GLIS3: variants seen among roughly 807,000 people sequenced by gnomAD.
GLIS3 encodes the protein zinc finger protein GLIS3.
GLIS3 carries 53 observed loss-of-function variants against 78.6 expected under a neutral mutation model. The ratio of observed to expected loss-of-function variants is 0.67; its 90% CI spans 0.54 to 0.85. GLIS3 has a LOEUF of 0.85. GLIS3 is among the 40% of genes least tolerant of loss of function. GLIS3 has a pLI of 0.00. For missense variants in GLIS3, 1,703 were observed against 1,231.1 expected (o/e 1.38, Z -5.74); for synonymous variants, 684 against 509.9 (o/e 1.34, Z -4.60).
chr9:4,426,368 T>C, the GLIS3 span, among the ~76,000 whole-genome samples: 3,421 of 152,296 alleles, frequency 0.022, 124 homozygotes, highest in African/African-American at 0.078. Flanking sequence ...CCCAACCAAC[T>C]CTTCTTTCCT....
intron 6 of GLIS3, among the ~76,000 whole-genome samples, chr9:3,919,932 T>A (rs1824762427): frequency 6.6e-6 from 1 of 151,900 alleles, no homozygotes; most frequent in Non-Finnish European, 1.5e-5. Context: ...CCCTCCCATT[T>A]CTTTTAAACT....
chr9:4,170,195 G>A (rs1264955688), intron 2 of GLIS3, among the ~76,000 whole-genome samples: 2 of 152,142 alleles, frequency 1.3e-5, no homozygotes, highest in African/African-American at 4.8e-5. Flanking sequence ...AACTTTTCTT[G>A]AAAATACGAG....
intron 4 of GLIS3, among the ~76,000 whole-genome samples, chr9:3,953,783 CTCTCTCTCTCTCTA>C (rs1356796834): frequency 1.2e-3 from 49 of 40,672 alleles, no homozygotes; most frequent in South Asian, 1.5e-3. Flanking sequence ...CTCTCTCTCT[CTCTCTCTCTCTCTA>C]TATATATATA....
intron 2 of GLIS3, among the ~76,000 whole-genome samples, chr9:4,190,572 T>C (rs1428475757): frequency 3.4e-5 from 5 of 147,968 alleles, no homozygotes; most frequent in African/African-American, 9.7e-5. Context: ...TACCTGAAAG[T>C]GACGGGGAGA....
At chr9:3,840,628 G>T (rs1475313424) in intron 9 of GLIS3, among the ~76,000 whole-genome samples, 2 of 152,168 alleles carry the variant, frequency 1.3e-5, no homozygotes, top group African/African-American at 4.8e-5. Context: ...TTCCATTGAG[G>T]CACATTTCTT....
intron 2 of GLIS3, among the ~76,000 whole-genome samples, chr9:4,158,683 T>A (rs533695405): frequency 1.3e-5 from 2 of 152,326 alleles, no homozygotes; most frequent in South Asian, 4.1e-4. Context: ...AAAAACATAT[T>A]AACCAAGGAT....
At chr9:4,386,020 G>C in the GLIS3 span, among the ~76,000 whole-genome samples, 1 of 152,182 alleles carries the variant, frequency 6.6e-6, no homozygotes, top group Non-Finnish European at 1.5e-5. Flanking sequence ...CATCTTTGCT[G>C]CCTCATCACT....
At chr9:4,316,323 A>G (rs1023515814) in intron 2 of GLIS3, among the ~76,000 whole-genome samples, 5 of 152,244 alleles carry the variant, frequency 3.3e-5, no homozygotes, top group Non-Finnish European at 7.3e-5. Context: ...CTTGTTTTGC[A>G]TTTAAAATAC....
chr9:3,907,510 C>T (rs533137085), intron 6 of GLIS3, among the ~76,000 whole-genome samples: 1 of 152,090 alleles, frequency 6.6e-6, no homozygotes, highest in African/African-American at 2.4e-5. Context: ...CTGATCCCTT[C>T]GATTAGCAAT....
At chr9:4,420,764 A>G in the GLIS3 span, among the ~76,000 whole-genome samples, 133 of 152,290 alleles carry the variant, frequency 8.7e-4, no homozygotes, top group African/African-American at 3.1e-3. Flanking sequence ...AAGAGGTGAT[A>G]TTACATAGGT....
chr9:4,282,036 A>G (rs1396074065), intron 2 of GLIS3, among the ~76,000 whole-genome samples: 1 of 152,170 alleles, frequency 6.6e-6, no homozygotes, highest in African/African-American at 2.4e-5. Flanking sequence ...TATAAATAAT[A>G]TCAAATGTAT....
chr9:4,294,832 TAC>T (rs1587344232), intron 1 of GLIS3, among the ~76,000 whole-genome samples: 1 of 152,228 alleles, frequency 6.6e-6, no homozygotes, highest in African/African-American at 2.4e-5. Context: ...TATATTCACA[TAC>T]ATTTATTCTA....
rs767862965 is a variant in GLIS3, at chr9:4,286,450, G to A, written c.-25C>T. ...TTCTGAAAAACCTGTGGCCAAGACG[G>A]TCAAATATCCAATGTCACTAATGAC... On this transcript the variant is annotated 5_prime_UTR_variant, in exon 2 of 11. Coordinates refer to ENST00000381971, the MANE Select transcript of GLIS3 (RefSeq NM_001042413.2). 1.2e-6 allele frequency: 2 copies of A among 1,612,770 alleles called. No homozygotes were observed. The highest frequency in any genetic ancestry group is 1.7e-6 in the Non-Finnish European group (2 of 1,179,972).
chr9:4,280,874 G>T (rs569772605), intron 2 of GLIS3, among the ~76,000 whole-genome samples: 1 of 152,014 alleles, frequency 6.6e-6, no homozygotes, highest in Admixed American at 6.6e-5. Context: ...CCAACCACTA[G>T]CAGCAAGCAC....
In GLIS3 at chr9:4,291,639, G is replaced by A. The variant is rs184616600; in HGVS notation, c.-98-5116C>T. 3.2e-4 allele frequency among the ~76,000 whole-genome samples: 49 copies of A among 152,136 alleles called. 1 individual carries two copies. The East Asian group carries it at 6.2e-3, about 19-fold the overall frequency. On this transcript the variant is annotated intron_variant, in intron 1 of 10. Coordinates refer to ENST00000381971, the MANE Select transcript of GLIS3 (RefSeq NM_001042413.2). ...AGGAAGGGAGTAGGAAAAAAAGAATGACCACATCCGATTCAGGAATTTACT... is the reference window on the plus strand; with the variant it reads ...AGGAAGGGAGTAGGAAAAAAAGAATAACCACATCCGATTCAGGAATTTACT...
intron 6 of GLIS3, among the ~76,000 whole-genome samples, chr9:3,925,781 A>G (rs1298838157): frequency 2.0e-5 from 3 of 152,188 alleles, no homozygotes; most frequent in East Asian, 3.8e-4. Flanking sequence ...ATTCACTTCA[A>G]TGTTTAATGT....
chr9:4,108,699 A>C (rs920396092), intron 4 of GLIS3, among the ~76,000 whole-genome samples: 3 of 152,212 alleles, frequency 2.0e-5, no homozygotes, highest in Admixed American at 6.5e-5. Flanking sequence ...CTATTTAAAA[A>C]TGAAACCACT....
In GLIS3 at chr9:4,173,245, T is replaced by C. The variant is rs146666743; in HGVS notation, c.389-47304A>G. Among the ~76,000 whole-genome samples, 30 of 152,322 alleles carry C rather than the reference T, an allele frequency of 2.0e-4. 1 individual carries two copies. In the East Asian group the frequency reaches 5.6e-3, roughly 28 times the overall value. ...GGGAAAAACAAGCAGACCTTTTAAG[T>C]GGCTACATTTCAGTAAAAGCTCCTA... On this transcript the variant is annotated intron_variant, in intron 2 of 10. Transcript: ENST00000381971.
At chr9:4,352,837 A>T (rs534826172), upstream of GLIS3, among the ~76,000 whole-genome samples, 63 of 152,370 alleles carry the variant, frequency 4.1e-4, no homozygotes, top group African/African-American at 1.5e-3. Flanking sequence ...CTTCATAGTT[A>T]GGTAAACCAT....
Sources: allele counts gnomAD v4.1 joint callset (sites outside exome capture counted in the v4.1 genomes callset), GRCh38; gene constraint gnomAD v4.1.1; transcripts MANE v1.5; gene names NCBI Gene and HGNC (gene_info 2026-07-23, HGNC 2026-07-21).